The following ZFHX4 variants were observed in gnomAD, a reference collection of about 807,000 sequenced individuals.
The protein encoded by ZFHX4 is zinc finger homeobox 4.
ZFHX4 carries 56 observed loss-of-function variants against 267.6 expected under a neutral mutation model. That is an observed-to-expected ratio of 0.21 (90% confidence interval 0.17 to 0.26). The LOEUF is 0.26. Among genes scored for constraint, ZFHX4 ranks in the 10% least tolerant of loss-of-function variants. The probability of loss-of-function intolerance (pLI) is 1.00; values close to 1 mark genes in which losing one functional copy is unlikely to be tolerated. For synonymous variants in ZFHX4, 1,778 were observed against 1,665.6 expected (o/e 1.07, Z -1.64); for missense variants, 4,332 against 4,420.0 (o/e 0.98, Z 0.56).
intron 4 of ZFHX4, among the ~76,000 whole-genome samples, chr8:76,794,599 C>G (rs1448934653): frequency 3.3e-5 from 5 of 152,038 alleles, no homozygotes; most frequent in Non-Finnish European, 4.4e-5. Flanking sequence ...ATGATAAAAC[C>G]AAGCTGAAAA....
At chr8:76,687,066 T>C (rs972860795) in intron 1 of ZFHX4, among the ~76,000 whole-genome samples, 2 of 152,238 alleles carry the variant, frequency 1.3e-5, no homozygotes, top group Admixed American at 6.5e-5. Flanking sequence ...TATTAACATA[T>C]GCAAATTGTC....
chr8:76,731,908 C>T (rs1334613880), intron 3 of ZFHX4, among the ~76,000 whole-genome samples: 14 of 145,670 alleles, frequency 9.6e-5, no homozygotes, highest in Admixed American at 8.2e-4. Flanking sequence ...GACAGAAGCT[C>T]GCTCTATCAC....
At chr8:76,681,676 T>A in intron 1 of ZFHX4, 56 bp downstream of exon 1, 1 of 387,582 alleles carries the variant, frequency 2.6e-6, no homozygotes, top group Non-Finnish European at 4.5e-6. Context: ...AGGTCGAGTA[T>A]CGATTATCTT....
At chr8:76,731,975 G>A (rs1008758473) in intron 3 of ZFHX4, among the ~76,000 whole-genome samples, 2 of 151,524 alleles carry the variant, frequency 1.3e-5, no homozygotes, top group African/African-American at 4.9e-5. Context: ...CCAAGTAACT[G>A]GGACTACAGG....
intron 3 of ZFHX4, among the ~76,000 whole-genome samples, chr8:76,744,953 G>GA (rs1809420290): frequency 6.6e-6 from 1 of 152,086 alleles, no homozygotes; most frequent in South Asian, 2.1e-4. Context: ...TCTGGTTTTT[G>GA]AAAAAAGTAC....
intron 7 of ZFHX4, 94 bp downstream of exon 7, chr8:76,849,222 G>A: frequency 7.3e-7 from 1 of 1,379,220 alleles, no homozygotes; most frequent in Non-Finnish European, 9.7e-7. Flanking sequence ...CTGTTGAAAT[G>A]TATGTAGACA....
At chr8:76,749,184 T>C (rs1323186946) in intron 3 of ZFHX4, among the ~76,000 whole-genome samples, 2 of 152,198 alleles carry the variant, frequency 1.3e-5, no homozygotes, top group Non-Finnish European at 2.9e-5. Flanking sequence ...TTCAGTTGAG[T>C]CCTTCCACCA....
At chr8:76,758,332 A>C (rs1303392099) in intron 3 of ZFHX4, among the ~76,000 whole-genome samples, 1 of 152,188 alleles carries the variant, frequency 6.6e-6, no homozygotes, top group Non-Finnish European at 1.5e-5. Flanking sequence ...GATACCTCAA[A>C]ATAAAGAAAC....
Position 76,852,094 on chromosome 8 carries a change from A to G in ZFHX4, c.5173A>G (p.Thr1725Ala). Residue 1725 changes from threonine to alanine, a missense_variant, in exon 10 of 11, where the codon ACC (threonine) becomes GCC (alanine). Transcript: ENST00000651372. ...NPAFLPHFPMTPEALLQFQQP... is the reference protein window; with the variant it reads ...NPAFLPHFPMAPEALLQFQQP... ...AGCCTTTTTGCCTCATTTTCCTATG[A>G]CCCCAGAAGCACTGCTGCAGTTTCA... 1 of 1,613,814 alleles carries G rather than the reference A, an allele frequency of 6.2e-7. No individual in the cohort carries two copies. Among genetic ancestry groups the G allele is most frequent in the Non-Finnish European group, 8.5e-7 (1 of 1,179,848 alleles).
intron 3 of ZFHX4, among the ~76,000 whole-genome samples, chr8:76,715,032 G>A (rs1454892828): frequency 6.6e-6 from 1 of 152,064 alleles, no homozygotes; most frequent in Non-Finnish European, 1.5e-5. Context: ...TACTTTTATT[G>A]CCCTATTGCA....
At chr8:76,736,919 G>C (rs1809174042) in intron 3 of ZFHX4, among the ~76,000 whole-genome samples, 2 of 152,040 alleles carry the variant, frequency 1.3e-5, no homozygotes, top group Admixed American at 1.3e-4. Flanking sequence ...ACAGATAAAA[G>C]GAACATTGAG....
At chr8:76,780,451 T>C (rs1292757772) in intron 4 of ZFHX4, among the ~76,000 whole-genome samples, 1 of 152,158 alleles carries the variant, frequency 6.6e-6, no homozygotes, top group East Asian at 1.9e-4. Flanking sequence ...GAAAAATTCT[T>C]GTAATAAGGA....
At chr8:76,696,728 A>G (rs1807968795) in intron 1 of ZFHX4, among the ~76,000 whole-genome samples, 2 of 151,898 alleles carry the variant, frequency 1.3e-5, no homozygotes, top group South Asian at 4.1e-4. Context: ...ATCAAACATA[A>G]GTTTGCCAAT....
At chr8:76,795,040 T>G (rs1404813786) in intron 4 of ZFHX4, among the ~76,000 whole-genome samples, 1 of 152,018 alleles carries the variant, frequency 6.6e-6, no homozygotes, top group East Asian at 1.9e-4. Flanking sequence ...TCCAGGAGAA[T>G]TCATATAAGC....
Position 76,715,333 on chromosome 8 carries a change from T to G in ZFHX4, c.3093+7285T>G, listed in dbSNP as rs578027825. Among the ~76,000 whole-genome samples, 3 of 151,602 alleles carry G rather than the reference T, an allele frequency of 2.0e-5. No individual in the cohort carries two copies. The South Asian group carries it at 6.3e-4, about 32-fold the overall frequency. ...CCTGACTCTACTAAAAACACAAAAA[T>G]TAGCCAGCAATGGTGGTGCGCACCT... On this transcript the variant is annotated intron_variant, in intron 3 of 10. Coordinates refer to ENST00000651372, the MANE Select transcript of ZFHX4 (RefSeq NM_024721.5).
At chr8:76,701,529 C>T (rs141874998) in intron 1 of ZFHX4, among the ~76,000 whole-genome samples, 2 of 152,160 alleles carry the variant, frequency 1.3e-5, no homozygotes, top group Admixed American at 6.5e-5. Context: ...AGAAAAAGAT[C>T]GGATCTACTT....
At chr8:76,740,468 C>A (rs1271151027) in intron 3 of ZFHX4, among the ~76,000 whole-genome samples, 2 of 151,534 alleles carry the variant, frequency 1.3e-5, no homozygotes, top group Non-Finnish European at 2.9e-5. Context: ...TAACCAAATA[C>A]AATCAGTTTC....
chr8:76,783,856 G>T (rs183969802), intron 4 of ZFHX4, among the ~76,000 whole-genome samples: 2 of 151,746 alleles, frequency 1.3e-5, no homozygotes, highest in Non-Finnish European at 2.9e-5. Context: ...ATTAAGAATC[G>T]CAAACAAATT....
intron 3 of ZFHX4, among the ~76,000 whole-genome samples, chr8:76,737,151 C>A (rs1033360817): frequency 6.6e-6 from 1 of 152,132 alleles, no homozygotes; most frequent in Admixed American, 6.5e-5. Flanking sequence ...CAGTGTTTTA[C>A]GCTCTAGGTA....
Sources: allele counts gnomAD v4.1 joint callset (sites outside exome capture counted in the v4.1 genomes callset), GRCh38; gene constraint gnomAD v4.1.1; transcripts MANE v1.5; gene names NCBI Gene and HGNC (gene_info 2026-07-23, HGNC 2026-07-21).